The following TDRP variants were observed in gnomAD, a reference collection of about 807,000 sequenced individuals.
TDRP encodes testis development-related protein.
TDRP carries 12 observed loss-of-function variants against 10.5 expected under a neutral mutation model. The observed-to-expected ratio is 1.15, with a 90% CI of 0.73 to 1.86. The LOEUF is 1.86. Ranked by LOEUF, TDRP falls within the 40% of genes most tolerant of loss-of-function variation. TDRP has a pLI of 0.00. For synonymous variants in TDRP, 139 were observed against 95.4 expected, an observed-to-expected ratio of 1.46 and a Z score of -2.67; for missense variants, 353 against 229.2, an observed-to-expected ratio of 1.54 and a Z score of -3.49.
rs369875091 is a variant in TDRP at position 543,834 on chromosome 8, T to A, written c.108+816A>T. Among the ~76,000 whole-genome samples the A allele has an allele frequency of 1.9e-4, 28 of 150,688 alleles. No homozygotes were observed. The South Asian group carries it at 5.5e-3, about 29-fold the overall frequency. On this transcript the variant is annotated intron_variant, in intron 1 of 2. Coordinates refer to ENST00000324079, the MANE Select transcript of TDRP (RefSeq NM_001384899.1). ...AGCATCAGGAGGAAGTTGCCACACGTTTAACAGAAAGAGATATTTTATGAT... is the reference window on the plus strand; with the variant it reads ...AGCATCAGGAGGAAGTTGCCACACGATTAACAGAAAGAGATATTTTATGAT...
chr8:512,437 CAAT>C (rs1801645258), intron 1 of TDRP, among the ~76,000 whole-genome samples: 1 of 150,092 alleles, frequency 6.7e-6, no homozygotes, highest in African/African-American at 2.5e-5. Context: ...ATCTCAACAA[CAAT>C]AAAAAAAAAT....
intron 1 of TDRP, among the ~76,000 whole-genome samples, chr8:530,350 C>G (rs1366043343): frequency 1.3e-5 from 2 of 152,092 alleles, no homozygotes; most frequent in Non-Finnish European, 2.9e-5. Flanking sequence ...CTCTGTTTCT[C>G]TAGGGTCAAA....
At chr8:544,110 A>T (rs1161305722) in intron 1 of TDRP, among the ~76,000 whole-genome samples, 2 of 152,186 alleles carry the variant, frequency 1.3e-5, no homozygotes, top group African/African-American at 4.8e-5. Flanking sequence ...ATTTAAGAAA[A>T]TACTTGTTAT....
At chr8:513,356 G>C (rs1448307885) in intron 1 of TDRP, among the ~76,000 whole-genome samples, 2 of 152,014 alleles carry the variant, frequency 1.3e-5, no homozygotes, top group Non-Finnish European at 2.9e-5. Context: ...AGAAAGGTTA[G>C]CTCAACATCT....
At chr8:516,438 A>T (rs927186968) in intron 1 of TDRP, among the ~76,000 whole-genome samples, 1 of 152,270 alleles carries the variant, frequency 6.6e-6, no homozygotes, top group African/African-American at 2.4e-5. Context: ...AGCCCTATAA[A>T]AAATGAGCAA....
chr8:534,645 G>C (rs1383916691), intron 1 of TDRP, among the ~76,000 whole-genome samples: 1 of 152,200 alleles, frequency 6.6e-6, no homozygotes, highest in South Asian at 2.1e-4. Flanking sequence ...GTTCTCAATA[G>C]ACTGCAGGAA....
At chr8:528,297 T>C (rs1211886855) in intron 1 of TDRP, among the ~76,000 whole-genome samples, 1 of 152,204 alleles carries the variant, frequency 6.6e-6, no homozygotes, top group Non-Finnish European at 1.5e-5. Context: ...GAAACCGTTG[T>C]ACACTATTGG....
intron 1 of TDRP, among the ~76,000 whole-genome samples, chr8:504,959 A>G (rs1490554025): frequency 1.3e-5 from 2 of 152,216 alleles, no homozygotes; most frequent in East Asian, 1.9e-4. Flanking sequence ...GGGAACAGGG[A>G]AAGGGAACTT....
intron 1 of TDRP, among the ~76,000 whole-genome samples, chr8:518,086 C>T (rs1801804377): frequency 6.6e-6 from 1 of 152,184 alleles, no homozygotes; most frequent in African/African-American, 2.4e-5. Context: ...AGACAACACC[C>T]AGCGTAAACA....
At chr8:508,234 T>C (rs999029054) in intron 1 of TDRP, among the ~76,000 whole-genome samples, 10 of 152,296 alleles carry the variant, frequency 6.6e-5, no homozygotes, top group African/African-American at 2.4e-4. Context: ...AAATAAAATA[T>C]TCACTAGAGG....
chr8:497,644 A>C (rs2116724424), intron 1 of TDRP, among the ~76,000 whole-genome samples: 1 of 152,362 alleles, frequency 6.6e-6, no homozygotes, highest in South Asian at 2.1e-4. Context: ...TGCCAGCTGC[A>C]AAAATTTGCA....
intron 1 of TDRP, among the ~76,000 whole-genome samples, chr8:523,933 C>T (rs532664831): frequency 6.6e-6 from 1 of 152,264 alleles, no homozygotes; most frequent in East Asian, 1.9e-4. Flanking sequence ...GATTGTAGAG[C>T]CCTAGGGCCT....
At chr8:517,293 C>A (rs187879980) in intron 1 of TDRP, among the ~76,000 whole-genome samples, 1 of 152,136 alleles carries the variant, frequency 6.6e-6, no homozygotes, top group Non-Finnish European at 1.5e-5. Context: ...TTTGGAATGG[C>A]CCTGCCCAGC....
chr8:519,253 C>A (rs1432967295), intron 1 of TDRP, among the ~76,000 whole-genome samples: 1 of 152,152 alleles, frequency 6.6e-6, no homozygotes, highest in Admixed American at 6.5e-5. Context: ...TGTGTGCCCT[C>A]CCCATGCCTT....
At position 498,403 on chromosome 8, in the gene TDRP, T is replaced by C. The variant is rs188378680; in HGVS notation, c.109-3806A>G. Among the ~76,000 whole-genome samples the C allele has an allele frequency of 1.6e-3, 245 of 152,262 alleles. 1 individual carries two copies. Among genetic ancestry groups the C allele is most frequent in the African/African-American group, 5.5e-3 (229 of 41,550 alleles). Reference sequence around the variant, plus strand: ...AGGATTTAATGACTGCCCTGCTGGGTTTCAGACTGTAGCCCCTTGGTTTTG... The same window carrying C: ...AGGATTTAATGACTGCCCTGCTGGGCTTCAGACTGTAGCCCCTTGGTTTTG... On this transcript the variant is annotated intron_variant, in intron 1 of 2. Coordinates refer to ENST00000324079, the MANE Select transcript of TDRP (RefSeq NM_001384899.1).
chr8:521,782 C>T (rs1801913105), intron 1 of TDRP, among the ~76,000 whole-genome samples: 1 of 151,966 alleles, frequency 6.6e-6, no homozygotes, highest in African/African-American at 2.4e-5. Context: ...AAAAAAAATG[C>T]CAATGAGATT....
intron 1 of TDRP, among the ~76,000 whole-genome samples, chr8:500,437 T>G (rs1801258944): frequency 6.6e-6 from 1 of 152,100 alleles, no homozygotes; most frequent in Admixed American, 6.5e-5. Flanking sequence ...AGAGCTTGGG[T>G]GTGGCAACCC....
intron 1 of TDRP, among the ~76,000 whole-genome samples, chr8:517,013 G>A (rs1459276737): frequency 6.6e-6 from 1 of 152,188 alleles, no homozygotes; most frequent in African/African-American, 2.4e-5. Context: ...CTGATGCACT[G>A]AATGGACTCT....
intron 1 of TDRP, among the ~76,000 whole-genome samples, chr8:527,349 T>A (rs1802061102): frequency 6.6e-6 from 1 of 151,916 alleles, no homozygotes; most frequent in Non-Finnish European, 1.5e-5. Flanking sequence ...CCCAAAGCAA[T>A]CTACAGATTC....
Sources: gnomAD v4.1 joint callset for allele counts (sites outside exome capture counted in the v4.1 genomes callset) on GRCh38, gnomAD v4.1.1 for gene constraint, MANE v1.5 for transcripts, NCBI Gene and HGNC (gene_info 2026-07-23, HGNC 2026-07-21) for gene names.